CDH1: variants seen among roughly 807,000 people sequenced by gnomAD.
CDH1 encodes cadherin 1, also known as cadherin-1.
A neutral mutation model predicts 84.5 loss-of-function variants in CDH1; 35 were observed. The ratio of observed to expected loss-of-function variants is 0.41; its 90% CI spans 0.32 to 0.55. CDH1 has a LOEUF of 0.55. CDH1 is among the 20% of genes least tolerant of loss of function. The pLI is 0.19. For missense variants in CDH1, 994 were observed against 1,126.6 expected (o/e 0.88, Z 1.68); for synonymous variants, 417 against 439.0 (o/e 0.95, Z 0.63).
At chr16:68,799,690 A>G (rs1960446635) in intron 2 of CDH1, among the ~76,000 whole-genome samples, 2 of 152,106 alleles carry the variant, frequency 1.3e-5, no homozygotes, top group South Asian at 4.1e-4. Context: ...TAATCTATCT[A>G]TAAACTAATA....
At chr16:68,773,325 C>T (rs1456267828) in intron 2 of CDH1, among the ~76,000 whole-genome samples, 2 of 140,598 alleles carry the variant, frequency 1.4e-5, no homozygotes, top group Non-Finnish European at 3.0e-5. Flanking sequence ...GAGATGGAGT[C>T]TTGCTCTGTC....
intron 2 of CDH1, among the ~76,000 whole-genome samples, chr16:68,768,112 A>G (rs528501233): frequency 1.6e-4 from 24 of 152,190 alleles, no homozygotes; most frequent in South Asian, 6.2e-4. Context: ...ACACCCAGCT[A>G]ATTTTGCATT....
At chr16:68,800,493 G>A (rs114799077) in intron 2 of CDH1, among the ~76,000 whole-genome samples, 207 of 152,346 alleles carry the variant, frequency 1.4e-3, no homozygotes, top group African/African-American at 4.9e-3. Flanking sequence ...AGGCGTCAGG[G>A]ATGGCTTCAA....
Position 68,810,222 on chromosome 16 carries a change from A to G in CDH1, c.713A>G (p.Asn238Ser), listed in dbSNP as rs1960780386. The change falls in exon 6 of 16, where the codon AAC becomes AGC. Residue 238 changes from asparagine (N) to serine (S), a missense_variant. Asn to Ser is a conservative substitution (Grantham distance 46). Around this residue, in one of 3 missense-constraint regions of CDH1, gnomAD observed 769 missense variants for 881.8 expected, o/e 0.87. Transcript: ENST00000261769. ...YTLFSHAVSSNGNAVEDPMEI... is the reference protein window; with the variant it reads ...YTLFSHAVSSSGNAVEDPMEI... ...CTCTTCTCTCACGCTGTGTCATCCA[A>G]CGGGAATGCAGTTGAGGATCCAATG... is the stretch of plus-strand genomic sequence containing the variant. The G allele has an allele frequency of 1.2e-6, 2 of 1,613,982 alleles. No homozygotes were observed. Among genetic ancestry groups the G allele is most frequent in the South Asian group, 2.2e-5 (2 of 91,086 alleles).
At chr16:68,762,041 G>A (rs563257247) in intron 2 of CDH1, among the ~76,000 whole-genome samples, 1 of 152,304 alleles carries the variant, frequency 6.6e-6, no homozygotes, top group East Asian at 1.9e-4. Context: ...ATGGGCACTG[G>A]CCTGCCTGCT....
chr16:68,743,347 CTT>C (rs1476582662), intron 2 of CDH1, among the ~76,000 whole-genome samples: 2 of 16,708 alleles, frequency 1.2e-4, no homozygotes, highest in East Asian at 1.9e-3. Context: ...TTCTTTCTTT[CTT>C]TCTTTCTTTC....
At position 68,835,131 on chromosome 16, in the gene CDH1, A is replaced by T. The variant is rs1961602795; in HGVS notation, c.*1632A>T. The T allele has an allele frequency of 8.7e-6, 2 of 231,118 alleles. No homozygotes were observed. Among genetic ancestry groups the T allele is most frequent in the African/African-American group, 2.2e-5 (1 of 45,132 alleles). 14.3% of individuals were successfully genotyped at this position (231,118 alleles called of 1,614,324 possible). On this transcript the variant is annotated 3_prime_UTR_variant, in exon 16 of 16. Coordinates refer to ENST00000261769, the MANE Select transcript of CDH1 (RefSeq NM_004360.5). ...AAACCGAGAATATTCAAAATTCCAA[A>T]TTTTTTTCTTAGGAGCAAGAAGAAA...
rs2152138217 is a variant in CDH1 at position 68,822,042 on chromosome 16, C to G, written c.1753C>G (p.Leu585Val). 1 of 1,614,172 alleles carries G rather than the reference C, an allele frequency of 6.2e-7. No individual in the cohort carries two copies. The highest frequency in any genetic ancestry group is 8.5e-7 in the Non-Finnish European group (1 of 1,180,014). Residue 585 changes from leucine (L) to valine (V), a missense_variant, in exon 12 of 16, where the codon CTG becomes GTG. Coordinates refer to ENST00000261769, the MANE Select transcript of CDH1 (RefSeq NM_004360.5). Reference sequence around the variant, plus strand: ...TGGAACAGGGACACTTCTGCTGATCCTGTCTGATGTGAATGACAACGCCCC... The same window carrying G: ...TGGAACAGGGACACTTCTGCTGATCGTGTCTGATGTGAATGACAACGCCCC... ...ATGTGTLLLI[L>V]SDVNDNAPIP... is the part of the protein sequence containing the mutation.
At chr16:68,760,947 G>A (rs867473801) in intron 2 of CDH1, among the ~76,000 whole-genome samples, 2 of 152,108 alleles carry the variant, frequency 1.3e-5, no homozygotes, top group Admixed American at 6.6e-5. Context: ...AGGTGGGGGC[G>A]GGACCTCCTG....
rs1960854403 is a variant in CDH1 at position 68,812,148 on chromosome 16, A to G, written c.1022A>G (p.Tyr341Cys). Reference protein sequence around the residue: ...TGLDRESFPTYTLVVQAADLQ... With the variant: ...TGLDRESFPTCTLVVQAADLQ... ...ATCTCTCTGCAGAGTTTCCCTACGT[A>G]TACCCTGGTGGTTCAAGCTGCTGAC... Residue 341 changes from tyrosine (Y) to cysteine (C), a missense_variant, in exon 8 of 16, where the codon TAT becomes TGT. Coordinates refer to ENST00000261769, the MANE Select transcript of CDH1 (RefSeq NM_004360.5). The G allele has an allele frequency of 1.2e-6, 2 of 1,614,138 alleles. No individual in the cohort carries two copies. The highest frequency in any genetic ancestry group is 1.3e-5 in the African/African-American group (1 of 75,038).
chr16:68,806,252 A>G (rs1658906277), intron 3 of CDH1, among the ~76,000 whole-genome samples: 1 of 151,720 alleles, frequency 6.6e-6, no homozygotes, highest in South Asian at 2.1e-4. Flanking sequence ...CCCGGGTTCA[A>G]GCAATTCTCA....
chr16:68,796,221 A>G (rs1480841392), intron 2 of CDH1, among the ~76,000 whole-genome samples: 1 of 152,092 alleles, frequency 6.6e-6, no homozygotes, highest in East Asian at 1.9e-4. Context: ...GCTGTGGGAA[A>G]TGTGTTCTGA....
intron 2 of CDH1, among the ~76,000 whole-genome samples, chr16:68,776,167 AG>A (rs763157811): frequency 1.3e-5 from 2 of 152,086 alleles, no homozygotes; most frequent in Non-Finnish European, 2.9e-5. Context: ...TTGTATTTTT[AG>A]TAGAGATGGG....
intron 12 of CDH1, 93 bp downstream of exon 12, chr16:68,822,318 C>T: frequency 6.0e-6 from 5 of 835,432 alleles, no homozygotes; most frequent in Middle Eastern, 3.2e-4. Context: ...TTCTCAACTT[C>T]TAGATGTCAC....
At chr16:68,805,832 TCCACCCGC>T (rs2152128603) in intron 3 of CDH1, among the ~76,000 whole-genome samples, 1 of 152,302 alleles carries the variant, frequency 6.6e-6, no homozygotes, top group Non-Finnish European at 1.5e-5. Context: ...CCTCAGGTGA[TCCACCCGC>T]CTCAGCCTCC....
At chr16:68,817,284 A>C (rs1381204193) in intron 10 of CDH1, among the ~76,000 whole-genome samples, 3 of 152,214 alleles carry the variant, frequency 2.0e-5, no homozygotes, top group African/African-American at 7.2e-5. Flanking sequence ...CTGCATCTCC[A>C]GATGTTCATG....
rs1555517077 is a variant in CDH1, at chr16:68,823,410, A to G, written c.1948A>G (p.Ile650Val). Reference sequence around the variant, plus strand: ...ATTGCTTTCTCCAGCCCAAGAATCTATCATTTTGAAGCCAAAGATGGCCTT... The same window carrying G: ...ATTGCTTTCTCCAGCCCAAGAATCTGTCATTTTGAAGCCAAAGATGGCCTT... The part of the protein sequence containing the change: ...IQYNDPTQES[I>V]ILKPKMALEV... Residue 650 changes from isoleucine to valine, a missense_variant, in exon 13 of 16, where the codon ATC becomes GTC. Physicochemically the swap from Ile to Val is conservative, Grantham distance 29 (BLOSUM62 3). This residue lies in a region of CDH1 where 769 missense variants were observed against 881.8 expected (regional missense o/e 0.87). Transcript: ENST00000261769. 1.2e-6 allele frequency: 2 copies of G among 1,611,390 alleles called. No individual in the cohort carries two copies. The highest frequency in any genetic ancestry group is 1.7e-6 in the Non-Finnish European group (2 of 1,177,632).
chr16:68,761,122 C>T (rs1959217879), intron 2 of CDH1, among the ~76,000 whole-genome samples: 1 of 152,196 alleles, frequency 6.6e-6, no homozygotes, highest in Non-Finnish European at 1.5e-5. Context: ...GCAGACAGGG[C>T]TCAACAGAGC....
chr16:68,738,483 C>T, intron 2 of CDH1, 72 bp downstream of exon 2: 1 of 1,049,930 alleles, frequency 9.5e-7, no homozygotes, highest in South Asian at 1.5e-5. Flanking sequence ...ATTGCACTCC[C>T]ACACCCCTGG....
Sources: gnomAD v4.1 joint callset for allele counts (sites outside exome capture counted in the v4.1 genomes callset) on GRCh38, gnomAD v4.1.1 for gene constraint, gnomAD v4.1.1 regional missense constraint, MANE v1.5 for transcripts, NCBI Gene and HGNC (gene_info 2026-07-23, HGNC 2026-07-21) for gene names.